The following ZNRF1 variants were observed in gnomAD, a reference collection of about 807,000 sequenced individuals.
ZNRF1 encodes E3 ubiquitin-protein ligase ZNRF1.
A neutral mutation model predicts 18.4 loss-of-function variants in ZNRF1; 3 were observed. The observed-to-expected ratio is 0.16, with a 90% CI of 0.07 to 0.42. ZNRF1 has a LOEUF of 0.42. Ranked by LOEUF, ZNRF1 falls within the 10% of genes least tolerant of loss-of-function variation. ZNRF1 has a pLI of 0.99. For synonymous variants in ZNRF1, 157 were observed against 144.2 expected, an observed-to-expected ratio of 1.09 and a Z score of -0.64; for missense variants, 310 against 329.8, an observed-to-expected ratio of 0.94 and a Z score of 0.47.
Position 75,106,589 on chromosome 16 carries a change from G to A in ZNRF1, c.*32+18G>A. 3.7e-6 allele frequency: 6 copies of A among 1,609,884 alleles called. No homozygotes were observed. Among genetic ancestry groups the A allele is most frequent in the Non-Finnish European group, 5.1e-6 (6 of 1,176,508 alleles). ...TCTCAAAGGTGAGCCCGCGTTTGGG[G>A]GTGCTCCGGGCTCAAGGCTTGGGGT... On this transcript the variant is annotated intron_variant, in intron 4 of 4. Transcript: ENST00000335325.
At chr16:75,053,728 C>T (rs1401295016) in intron 1 of ZNRF1, among the ~76,000 whole-genome samples, 2 of 152,156 alleles carry the variant, frequency 1.3e-5, no homozygotes, top group African/African-American at 4.8e-5. Context: ...GCAGAGTGGA[C>T]TCACATAAGT....
intron 1 of ZNRF1, among the ~76,000 whole-genome samples, chr16:75,015,332 T>C (rs2035052072): frequency 1.3e-5 from 2 of 152,308 alleles, no homozygotes; most frequent in South Asian, 4.1e-4. Context: ...GCGAGGTAGC[T>C]CATGCCTGTA....
chr16:75,018,466 T>G (rs1597860537), intron 1 of ZNRF1, among the ~76,000 whole-genome samples: 1 of 152,208 alleles, frequency 6.6e-6, no homozygotes, highest in East Asian at 1.9e-4. Flanking sequence ...AAAATCGTAT[T>G]AGAATCTATG....
At chr16:75,059,236 TTTTTTTTTC>T (rs2035710797) in intron 1 of ZNRF1, among the ~76,000 whole-genome samples, 2 of 108,414 alleles carry the variant, frequency 1.8e-5, no homozygotes, top group Non-Finnish European at 1.9e-5. Flanking sequence ...TTTCTTTTTT[TTTTTTTTTC>T]TTTTTTTTTT....
chr16:75,106,774 G>A, intron 4 of ZNRF1: 1 of 535,418 alleles, frequency 1.9e-6, no homozygotes, highest in Non-Finnish European at 3.4e-6. Flanking sequence ...AACATGGACA[G>A]TTATGAAGAA....
At chr16:75,009,165 C>G (rs1466648498) in intron 1 of ZNRF1, among the ~76,000 whole-genome samples, 3 of 152,178 alleles carry the variant, frequency 2.0e-5, no homozygotes, top group African/African-American at 7.2e-5. Flanking sequence ...CACAAATACC[C>G]ATAAGGAAAT....
At chr16:75,105,180 G>A (rs1187595264) in intron 3 of ZNRF1, 3 of 341,766 alleles carry the variant, frequency 8.8e-6, no homozygotes, top group East Asian at 6.8e-5. Context: ...GAGGAGCTTC[G>A]GATCCCACTG....
chr16:75,048,322 A>G (rs2035543007), intron 1 of ZNRF1, among the ~76,000 whole-genome samples: 1 of 152,086 alleles, frequency 6.6e-6, no homozygotes, highest in Non-Finnish European at 1.5e-5. Flanking sequence ...TTTTTACTTA[A>G]TTACTTCTTT....
chr16:75,083,843 T>C (rs988752170), intron 1 of ZNRF1, among the ~76,000 whole-genome samples: 31 of 152,006 alleles, frequency 2.0e-4, no homozygotes, highest in African/African-American at 7.0e-4. Context: ...ACCAAGAGAT[T>C]TGACATACAA....
chr16:75,005,078 C>T (rs1417611146), intron 1 of ZNRF1, among the ~76,000 whole-genome samples: 1 of 152,118 alleles, frequency 6.6e-6, no homozygotes, highest in African/African-American at 2.4e-5. Context: ...CTTTGTGTCC[C>T]GCCATAGGTG....
intron 1 of ZNRF1, among the ~76,000 whole-genome samples, chr16:75,010,523 T>G (rs2145322375): frequency 6.6e-6 from 1 of 152,278 alleles, no homozygotes; most frequent in African/African-American, 2.4e-5. Flanking sequence ...GGATAATTTT[T>G]GGAGAAATTT....
At chr16:75,065,384 G>C (rs1175327322) in intron 1 of ZNRF1, among the ~76,000 whole-genome samples, 1 of 152,112 alleles carries the variant, frequency 6.6e-6, no homozygotes, top group Non-Finnish European at 1.5e-5. Flanking sequence ...TTGTTGTTTT[G>C]TTCTGGCCAG....
chr16:75,013,370 T>G (rs1364005158), intron 1 of ZNRF1, among the ~76,000 whole-genome samples: 9 of 151,212 alleles, frequency 6.0e-5, no homozygotes, highest in Non-Finnish European at 1.3e-4. Flanking sequence ...TTTTCCGAGA[T>G]GGAGTCTCAC....
At chr16:75,039,242 TTC>T (rs762303267) in intron 1 of ZNRF1, among the ~76,000 whole-genome samples, 26 of 152,168 alleles carry the variant, frequency 1.7e-4, no homozygotes, top group Non-Finnish European at 2.4e-4. Context: ...GGCAAAAACT[TTC>T]TGTTTTATTT....
At chr16:75,040,598 G>GTTTTTTT (rs61513153) in intron 1 of ZNRF1, among the ~76,000 whole-genome samples, 19 of 46,380 alleles carry the variant, frequency 4.1e-4, no homozygotes, top group African/African-American at 1.0e-3. Flanking sequence ...TTTTTTGTGG[G>GTTTTTTT]TTTTTTTTTT....
chr16:75,091,358 C>CAAA (rs71158576), intron 1 of ZNRF1, among the ~76,000 whole-genome samples: 17 of 133,384 alleles, frequency 1.3e-4, no homozygotes, highest in African/African-American at 1.7e-4. Flanking sequence ...GACTCCATCT[C>CAAA]AAAAAAAAAA....
chr16:75,020,774 C>A (rs957708631), intron 1 of ZNRF1, among the ~76,000 whole-genome samples: 1 of 152,094 alleles, frequency 6.6e-6, no homozygotes, highest in African/African-American at 2.4e-5. Context: ...GATCTCCTGA[C>A]CTCATGATCC....
intron 1 of ZNRF1, among the ~76,000 whole-genome samples, chr16:75,068,624 G>A (rs898815428): frequency 6.6e-6 from 1 of 152,110 alleles, no homozygotes; most frequent in Non-Finnish European, 1.5e-5. Context: ...TTTGGAGGAA[G>A]ACTACCCCAG....
intron 1 of ZNRF1, among the ~76,000 whole-genome samples, chr16:75,013,057 A>G (rs1212249449): frequency 6.6e-6 from 1 of 152,252 alleles, no homozygotes; most frequent in Admixed American, 6.5e-5. Flanking sequence ...TACATCCTTC[A>G]ACAATGACTT....
Sources: gnomAD v4.1 joint callset for allele counts (sites outside exome capture counted in the v4.1 genomes callset) on GRCh38, gnomAD v4.1.1 for gene constraint, MANE v1.5 for transcripts, NCBI Gene and HGNC (gene_info 2026-07-23, HGNC 2026-07-21) for gene names.